Variants in CFAP74 observed in about 807,000 individuals in gnomAD.
CFAP74 encodes the protein cilia- and flagella-associated protein 74.
In CFAP74, 124 loss-of-function variants were observed where a neutral mutation model predicts 188.9. The ratio of observed to expected loss-of-function variants is 0.66; its 90% CI spans 0.57 to 0.76. The LOEUF is 0.76. Ranked by LOEUF, CFAP74 falls within the 30% of genes least tolerant of loss-of-function variation. CFAP74 has a pLI of 0.00. For synonymous variants in CFAP74, 956 were observed against 916.7 expected (o/e 1.04, Z -0.77); for missense variants, 2,198 against 2,165.2 (o/e 1.02, Z -0.30).
At chr1:1,945,287 T>C (rs924123265) in intron 20 of CFAP74, among the ~76,000 whole-genome samples, 5 of 152,128 alleles carry the variant, frequency 3.3e-5, no homozygotes, top group Non-Finnish European at 7.4e-5. Flanking sequence ...CCCCAAGCAC[T>C]GACTCCTGGG....
chr1:1,998,147 G>A (rs1406710897), intron 1 of CFAP74, among the ~76,000 whole-genome samples: 3 of 152,032 alleles, frequency 2.0e-5, no homozygotes, highest in South Asian at 4.1e-4. Context: ...GTGTGGTGGC[G>A]GGCACCTGTA....
intron 1 of CFAP74, among the ~76,000 whole-genome samples, chr1:1,999,564 C>G (rs1376117710): frequency 1.3e-5 from 2 of 152,172 alleles, no homozygotes. Flanking sequence ...CACCTGTAAT[C>G]CCAGCACTTT....
rs372495994 is a variant in CFAP74 at position 1,979,747 on chromosome 1, G to A, written c.501-5549C>T. 8.2e-5 allele frequency among the ~76,000 whole-genome samples: 10 copies of A among 122,022 alleles called. 1 individual carries two copies. Among genetic ancestry groups the A allele is most frequent in the East Asian group, 2.6e-4 (1 of 3,850 alleles). 80.1% of individuals were successfully genotyped at this position (122,022 alleles called of 152,430 possible). A position where few individuals can be genotyped will look rare whatever the true frequency, so the allele number is the denominator to read the frequency against. On this transcript the variant is annotated intron_variant, in intron 6 of 38. Coordinates refer to ENST00000682832, the MANE Select transcript of CFAP74 (RefSeq NM_001304360.2). ...TGGGTGTGGGAAGGCGTCACGTGACGAGGCTGTGCAGAACACGCGTGTGGT... is the reference window on the plus strand; with the variant it reads ...TGGGTGTGGGAAGGCGTCACGTGACAAGGCTGTGCAGAACACGCGTGTGGT...
chr1:1,981,546 A>T (rs1656854314), intron 6 of CFAP74, among the ~76,000 whole-genome samples: 3 of 113,284 alleles, frequency 2.6e-5, no homozygotes, highest in Admixed American at 8.9e-5. Flanking sequence ...ACAGCCGCGG[A>T]CAGACACGGG....
chr1:1,929,100 G>A (rs1055020767), intron 26 of CFAP74, among the ~76,000 whole-genome samples: 3 of 151,880 alleles, frequency 2.0e-5, no homozygotes, highest in African/African-American at 7.3e-5. Flanking sequence ...CTCTGGCCAT[G>A]CAGGGGGCAG....
In CFAP74 at chr1:1,926,257, G is replaced by A. The variant is rs1651881637; in HGVS notation, c.3919C>T (p.Leu1307Phe). 1.3e-6 allele frequency: 2 copies of A among 1,529,266 alleles called. No homozygotes were observed. The highest frequency in any genetic ancestry group is 4.9e-5 in the East Asian group (2 of 40,724). The allele number at this position is 1,529,266 out of a possible 1,614,324, so 94.7% of individuals were successfully genotyped here. A position where few individuals can be genotyped will look rare whatever the true frequency, so the allele number is the denominator to read the frequency against. ...LRAGGTQVLV[L>F]SFSPHESILA... ...ATGCTCTCGTGGGGAGAGAAGGAAAGCACCAGGACCTGGGTCCCACCTGCA... is the reference window on the plus strand; with the variant it reads ...ATGCTCTCGTGGGGAGAGAAGGAAAACACCAGGACCTGGGTCCCACCTGCA... The change falls in exon 32 of 39, where the codon CTT becomes TTT. Residue 1307 changes from leucine to phenylalanine, a missense_variant. Transcript: ENST00000682832.
chr1:1,983,214 A>G (rs1657018992), intron 6 of CFAP74, among the ~76,000 whole-genome samples: 1 of 152,230 alleles, frequency 6.6e-6, no homozygotes, highest in Non-Finnish European at 1.5e-5. Context: ...ACCCCTTAGA[A>G]GCCATCACAG....
Position 1,933,901 on chromosome 1 carries a change from T to C in CFAP74, c.3012-3565A>G, listed in dbSNP as rs976613833. Among the ~76,000 whole-genome samples the C allele has an allele frequency of 5.3e-5, 8 of 152,342 alleles. No individual in the cohort carries two copies. In the South Asian group the frequency reaches 1.7e-3, roughly 32 times the overall value. On this transcript the variant is annotated intron_variant, in intron 25 of 38. Coordinates refer to ENST00000682832, the MANE Select transcript of CFAP74 (RefSeq NM_001304360.2). Reference sequence around the variant, plus strand: ...TTGATTTTCACACCCTCTTTTCTAATATCTGCGTTTAGAACTAGAAGCTTC... The same window carrying C: ...TTGATTTTCACACCCTCTTTTCTAACATCTGCGTTTAGAACTAGAAGCTTC...
In CFAP74 at chr1:1,942,633, C is replaced by T. The variant is rs979723258; in HGVS notation, c.2487-477G>A. On this transcript the variant is annotated intron_variant, in intron 21 of 38. Coordinates refer to ENST00000682832, the MANE Select transcript of CFAP74 (RefSeq NM_001304360.2). The surrounding 1 kb of genome is among the most constrained non-coding windows in gnomAD (Gnocchi z 4.3). ...TATGACAGCAGCCTCCAACCCAAGA[C>T]GAGCCTGAGAGAGCCAAGGTACCCG... 5.9e-5 allele frequency among the ~76,000 whole-genome samples: 9 copies of T among 152,124 alleles called. No homozygotes were observed. Among genetic ancestry groups the T allele is most frequent in the South Asian group, 2.1e-4 (1 of 4,828 alleles).
chr1:1,962,950 C>T (rs569380472), intron 14 of CFAP74, among the ~76,000 whole-genome samples: 28 of 152,116 alleles, frequency 1.8e-4, no homozygotes, highest in Non-Finnish European at 2.5e-4. Flanking sequence ...AAACATCAGA[C>T]ACCAAAGACC....
intron 33 of CFAP74, among the ~76,000 whole-genome samples, chr1:1,925,034 GCACA>G (rs958195792): frequency 1.3e-5 from 2 of 151,584 alleles, no homozygotes; most frequent in African/African-American, 4.9e-5. Context: ...AGGCATGAGG[GCACA>G]CACTGGTCCA....
intron 34 of CFAP74, among the ~76,000 whole-genome samples, 156 bp downstream of exon 34, chr1:1,924,235 C>CA: frequency 1.6e-4 from 1 of 6,140 alleles, no homozygotes; most frequent in African/African-American, 2.9e-3. Context: ...CCACCCCCCT[C>CA]CAGCTCACCA....
In CFAP74 at chr1:1,923,425, C is replaced by T; in HGVS notation, c.4464G>A (p.Leu1488=). Residue 1488 remains leucine (L), a synonymous_variant, in exon 36 of 39, where the codon CTG becomes CTA. Coordinates refer to ENST00000682832, the MANE Select transcript of CFAP74 (RefSeq NM_001304360.2). This position sits in a 1 kb window ranked among gnomAD's most constrained non-coding sequence, Gnocchi z 6.3. ...HMMFVEGGDP[L]DVPVESLTAI... ...CTGTCAGAGACTCCACGGGCACGTC[C>T]AGGGGGTCGCCGCCCTCCACGAACA... The T allele has an allele frequency of 6.2e-7, 1 of 1,603,780 alleles. No homozygotes were observed. Among genetic ancestry groups the T allele is most frequent in the Non-Finnish European group, 8.5e-7 (1 of 1,176,362 alleles).
At position 1,922,123 on chromosome 1, in the gene CFAP74, TC is replaced by T; in HGVS notation, c.*163del. On this transcript the variant is annotated 3_prime_UTR_variant, in exon 39 of 39. Transcript: ENST00000682832. ...CTTGGATGTCCCTGGGCTTGCGGGG[TC>T]CAGGGCAGCAGGAAGTGGCCGTGGC... 1 of 593,392 alleles carries T rather than the reference TC, an allele frequency of 1.7e-6. No homozygotes were observed. The highest frequency in any genetic ancestry group is 3.0e-6 in the Non-Finnish European group (1 of 336,818). 36.8% of individuals were successfully genotyped at this position (593,392 alleles called of 1,614,324 possible). A position where few individuals can be genotyped will look rare whatever the true frequency, so the allele number is the denominator to read the frequency against.
At chr1:1,956,484 G>A in intron 17 of CFAP74, 136 bp downstream of exon 17, 1 of 1,029,736 alleles carries the variant, frequency 9.7e-7, no homozygotes, top group African/African-American at 1.6e-5. Context: ...AGGCTGATTT[G>A]AGGAGGCCCC....
rs761590213 is a variant in CFAP74, at chr1:1,986,944, C to T, written c.388G>A (p.Gly130Ser). 8.7e-6 allele frequency: 14 copies of T among 1,601,250 alleles called. No individual in the cohort carries two copies. The highest frequency in any genetic ancestry group is 1.1e-5 in the Non-Finnish European group (13 of 1,179,432). ...CTGGCGAGGGCCACCTACATGTTGC[C>T]CGCCTCTTCCTCTGTGGCGATCTCG... ...AAEIATEEEA[G>S]NMAAVGRLQA... is the part of the protein sequence containing the mutation. The change falls in exon 5 of 39, where the codon GGC (glycine) becomes AGC (serine). Residue 130 changes from glycine to serine, a missense_variant. Physicochemically the swap from Gly to Ser is moderately conservative, Grantham distance 56 (BLOSUM62 0). Coordinates refer to ENST00000682832, the MANE Select transcript of CFAP74 (RefSeq NM_001304360.2).
chr1:1,960,074 G>A, intron 14 of CFAP74, 44 bp from the exon 15 acceptor site: 1 of 1,534,834 alleles, frequency 6.5e-7, no homozygotes, highest in Non-Finnish European at 8.9e-7. Flanking sequence ...GTGCTGCGGA[G>A]GGCAGACGCT....
At chr1:1,949,734 TTC>T (rs2102055485) in intron 18 of CFAP74, among the ~76,000 whole-genome samples, 1 of 152,298 alleles carries the variant, frequency 6.6e-6, no homozygotes, top group African/African-American at 2.4e-5. Context: ...AGCCAAAATA[TTC>T]TTTTTCTAGA....
intron 18 of CFAP74, among the ~76,000 whole-genome samples, chr1:1,948,153 G>A (rs903160708): frequency 3.9e-5 from 6 of 152,154 alleles, no homozygotes; most frequent in African/African-American, 7.2e-5. Context: ...TTACAGGCGT[G>A]AGCCACTGTG....
Sources: allele counts gnomAD v4.1 joint callset (sites outside exome capture counted in the v4.1 genomes callset), GRCh38; gene constraint gnomAD v4.1.1; non-coding constraint Gnocchi (gnomAD v3.1); transcripts MANE v1.5; gene names NCBI Gene and HGNC (gene_info 2026-07-23, HGNC 2026-07-21).